Variants in DPP10 observed in about 807,000 individuals in gnomAD.
DPP10 encodes the protein inactive dipeptidyl peptidase 10.
Under a neutral mutation model 120.9 loss-of-function variants are expected in DPP10, and 33 were observed. That is an observed-to-expected ratio of 0.27 (90% CI 0.21 to 0.37). DPP10 has a LOEUF of 0.37. Ranked by LOEUF, DPP10 falls within the 10% of genes least tolerant of loss-of-function variation. The probability of loss-of-function intolerance (pLI) is 1.00; values close to 1 mark genes in which losing one functional copy is unlikely to be tolerated. For missense variants in DPP10, 816 were observed against 942.8 expected, an observed-to-expected ratio of 0.87 and a Z score of 1.76; for synonymous variants, 337 against 326.1, an observed-to-expected ratio of 1.03 and a Z score of -0.36.
chr2:114,975,013 T>C (rs1485103649), intron 1 of DPP10, among the ~76,000 whole-genome samples: 1 of 151,786 alleles, frequency 6.6e-6, no homozygotes, highest in African/African-American at 2.4e-5. Context: ...AACTGACAGG[T>C]GAGATAGAAA....
chr2:115,670,760 T>C (rs1179579107), intron 5 of DPP10, among the ~76,000 whole-genome samples: 1 of 152,132 alleles, frequency 6.6e-6, no homozygotes, highest in Non-Finnish European at 1.5e-5. Flanking sequence ...AGTCAATTCA[T>C]GGGGAAGATA....
chr2:115,821,206 A>G (rs920656767), intron 21 of DPP10, among the ~76,000 whole-genome samples: 3 of 152,164 alleles, frequency 2.0e-5, no homozygotes, highest in Non-Finnish European at 4.4e-5. Context: ...GCATTAAAGT[A>G]TCCCTTTATA....
At chr2:115,244,338 T>C (rs138549770) in intron 1 of DPP10, among the ~76,000 whole-genome samples, 760 of 151,242 alleles carry the variant, frequency 5.0e-3, no homozygotes, top group African/African-American at 0.014. Context: ...TTTGAATTAC[T>C]TTTACAATTG....
chr2:115,688,092 TG>T (rs1162237606), intron 5 of DPP10, among the ~76,000 whole-genome samples: 1 of 152,012 alleles, frequency 6.6e-6, no homozygotes, highest in Non-Finnish European at 1.5e-5. Context: ...CTCATCTTTT[TG>T]TCAGCTCTGG....
chr2:115,162,053 GCCC>G (rs2052417942), intron 1 of DPP10: 1 of 1,429,562 alleles, frequency 7.0e-7, no homozygotes, highest in African/African-American at 1.5e-5. Context: ...CCGCGGCCAG[GCCC>G]TCCCGGGAGG....
At chr2:114,872,862 T>C (rs1690804862) in intron 1 of DPP10, among the ~76,000 whole-genome samples, 1 of 152,074 alleles carries the variant, frequency 6.6e-6, no homozygotes, top group Admixed American at 6.6e-5. Context: ...TAAAGGAAAA[T>C]ACCAAGGGTC....
intron 1 of DPP10, among the ~76,000 whole-genome samples, chr2:114,804,008 C>A (rs553840268): frequency 6.6e-6 from 1 of 152,284 alleles, no homozygotes; most frequent in South Asian, 2.1e-4. Context: ...GTCTTATGGG[C>A]CGGGTCCAGG....
intron 1 of DPP10, among the ~76,000 whole-genome samples, chr2:115,011,339 C>G (rs2105090496): frequency 6.6e-6 from 1 of 152,310 alleles, no homozygotes; most frequent in South Asian, 2.1e-4. Context: ...TACTGATTTT[C>G]TCTCTGTCCT....
intron 5 of DPP10, among the ~76,000 whole-genome samples, chr2:115,630,967 CAGA>C (rs2085807683): frequency 6.7e-6 from 1 of 149,528 alleles, no homozygotes; most frequent in Non-Finnish European, 1.5e-5. Context: ...GCAATAGTTT[CAGA>C]AGAAGTGGCA....
intron 2 of DPP10, 89 bp downstream of exon 2, chr2:115,309,442 G>C (rs569121106): frequency 8.0e-7 from 1 of 1,252,248 alleles, no homozygotes; most frequent in South Asian, 1.3e-5. Flanking sequence ...GCAATATGTG[G>C]TATCTTAGGG....
At chr2:115,443,628 TC>T (rs1256950104) in intron 3 of DPP10, among the ~76,000 whole-genome samples, 2 of 152,188 alleles carry the variant, frequency 1.3e-5, no homozygotes, top group African/African-American at 4.8e-5. Flanking sequence ...AGATTATGAT[TC>T]ACAAAATGTG....
At chr2:115,469,070 C>A (rs533670183) in intron 3 of DPP10, 3 of 176,818 alleles carry the variant, frequency 1.7e-5, no homozygotes, top group African/African-American at 2.4e-5. Flanking sequence ...GGATTACAGG[C>A]GTGCACCACC....
At chr2:115,588,136 C>T (rs11123314) in intron 5 of DPP10, among the ~76,000 whole-genome samples, 2 of 151,994 alleles carry the variant, frequency 1.3e-5, no homozygotes, top group African/African-American at 2.4e-5. Context: ...AAACTGTTCT[C>T]TTTAATACTT....
chr2:114,861,368 A>C (rs1689798580), intron 1 of DPP10, among the ~76,000 whole-genome samples: 1 of 152,238 alleles, frequency 6.6e-6, no homozygotes, highest in Admixed American at 6.5e-5. Context: ...AGCAGTCTAC[A>C]CCATGAAGAC....
intron 5 of DPP10, among the ~76,000 whole-genome samples, chr2:115,530,148 T>G (rs532562185): frequency 6.6e-6 from 1 of 152,080 alleles, no homozygotes; most frequent in Admixed American, 6.6e-5. Flanking sequence ...TTTAGAAACT[T>G]TATTTCACCA....
chr2:114,913,027 A>T (rs185424407), intron 1 of DPP10, among the ~76,000 whole-genome samples: 47 of 152,322 alleles, frequency 3.1e-4, no homozygotes, highest in Admixed American at 6.5e-4. Flanking sequence ...GATGTGGCCA[A>T]TATGATATGA....
intron 3 of DPP10, among the ~76,000 whole-genome samples, chr2:115,486,392 C>T (rs2075781323): frequency 6.6e-6 from 1 of 152,136 alleles, no homozygotes; most frequent in Non-Finnish European, 1.5e-5. Context: ...TGGACAATGT[C>T]AACAATGCAG....
chr2:114,950,037 A>T (rs547409006), intron 1 of DPP10, among the ~76,000 whole-genome samples: 49 of 152,278 alleles, frequency 3.2e-4, no homozygotes, highest in Admixed American at 5.9e-4. Context: ...AAAAATTCTT[A>T]AAAAAACTGT....
chr2:115,010,116 A>G (rs1702155241), intron 1 of DPP10, among the ~76,000 whole-genome samples: 1 of 152,240 alleles, frequency 6.6e-6, no homozygotes, highest in Admixed American at 6.5e-5. Flanking sequence ...ATATTATTGT[A>G]GCCAATTAAG....
Sources: allele counts gnomAD v4.1 joint callset (sites outside exome capture counted in the v4.1 genomes callset), GRCh38; gene constraint gnomAD v4.1.1; transcripts MANE v1.5; gene names NCBI Gene and HGNC (gene_info 2026-07-23, HGNC 2026-07-21).